The following VAV1 variants were observed in gnomAD, a reference collection of about 807,000 sequenced individuals.
The protein encoded by VAV1 is proto-oncogene vav.
Under a neutral mutation model 128.1 loss-of-function variants are expected in VAV1, and 33 were observed. That is an observed-to-expected ratio of 0.26 (90% CI 0.20 to 0.34). The LOEUF is 0.34. Among genes scored for constraint, VAV1 ranks in the 10% least tolerant of loss-of-function variants. The probability of loss-of-function intolerance (pLI) is 1.00; values close to 1 mark genes in which losing one functional copy is unlikely to be tolerated. For missense variants in VAV1, 715 were observed against 1,093.7 expected (o/e 0.65, Z 4.88); for synonymous variants, 394 against 409.8 (o/e 0.96, Z 0.47).
intron 1 of VAV1, among the ~76,000 whole-genome samples, chr19:6,773,584 C>T (rs1970550701): frequency 6.6e-6 from 1 of 152,174 alleles, no homozygotes; most frequent in Non-Finnish European, 1.5e-5. Flanking sequence ...AGCTTCCTCC[C>T]TGCATCCATC....
At chr19:6,836,048 A>G in intron 19 of VAV1, 1 of 163,598 alleles carries the variant, frequency 6.1e-6, no homozygotes, top group Non-Finnish European at 1.3e-5. Context: ...TAATTTCTGT[A>G]GTTTTAGTAG....
chr19:6,797,473 C>T (rs983335406), intron 1 of VAV1, among the ~76,000 whole-genome samples: 8 of 152,064 alleles, frequency 5.3e-5, no homozygotes, highest in Admixed American at 1.3e-4. Flanking sequence ...GAGGCCAAGG[C>T]GGGCGGATCA....
Position 6,826,478 on chromosome 19 carries a change from C to A in VAV1, c.828-134C>A. 1 of 657,314 alleles carries A rather than the reference C, an allele frequency of 1.5e-6. No individual in the cohort carries two copies. The highest frequency in any genetic ancestry group is 2.7e-6 in the Non-Finnish European group (1 of 363,874). The allele number at this position is 657,314 out of a possible 1,614,324, so 40.7% of individuals were successfully genotyped here. On this transcript the variant is annotated intron_variant, in intron 8 of 26. Transcript: ENST00000602142. The surrounding 1 kb of genome is among the most constrained non-coding windows in gnomAD (Gnocchi z 4.1). The stretch of plus-strand genomic sequence containing the variant: ...TCACATGGGAGATGCTATTGTTATG[C>A]CCATTTCACAGATGGAGAAACTGGG...
At chr19:6,824,699 T>C (rs1971873427) in intron 6 of VAV1, among the ~76,000 whole-genome samples, 1 of 152,094 alleles carries the variant, frequency 6.6e-6, no homozygotes, top group Non-Finnish European at 1.5e-5. Flanking sequence ...GCCCAGCTTA[T>C]TTTTGTAGTT....
chr19:6,852,496 C>T (rs566525205), intron 24 of VAV1, among the ~76,000 whole-genome samples: 2 of 152,184 alleles, frequency 1.3e-5, no homozygotes, highest in East Asian at 1.9e-4. Context: ...CCGAGGCAGG[C>T]GGATCACGAG....
chr19:6,841,691 G>T (rs1418911774), intron 21 of VAV1, among the ~76,000 whole-genome samples: 1 of 151,186 alleles, frequency 6.6e-6, no homozygotes, highest in Non-Finnish European at 1.5e-5. Flanking sequence ...GGTCAGGCTG[G>T]TCTTGAACTC....
rs1457891924 is a variant in VAV1, at chr19:6,826,549, G to A, written c.828-63G>A. On this transcript the variant is annotated intron_variant, in intron 8 of 26. Coordinates refer to ENST00000602142, the MANE Select transcript of VAV1 (RefSeq NM_005428.4). This position sits in a 1 kb window ranked among gnomAD's most constrained non-coding sequence, Gnocchi z 4.1. Reference sequence around the variant, plus strand: ...GGGGAAGAGCAAGGCCAGGGCTGACGCCAGCCTCTGCCCGACCTTGATGCC... The same window carrying A: ...GGGGAAGAGCAAGGCCAGGGCTGACACCAGCCTCTGCCCGACCTTGATGCC... 9.1e-6 allele frequency: 12 copies of A among 1,322,000 alleles called. No homozygotes were observed. Among genetic ancestry groups the A allele is most frequent in the African/African-American group, 2.9e-5 (2 of 68,646 alleles). The allele number at this position is 1,322,000 out of a possible 1,614,324, so 81.9% of individuals were successfully genotyped here.
intron 1 of VAV1, among the ~76,000 whole-genome samples, chr19:6,782,301 G>A (rs1444332780): frequency 6.6e-6 from 1 of 151,566 alleles, no homozygotes; most frequent in Non-Finnish European, 1.5e-5. Flanking sequence ...CTGCACTCCA[G>A]CCTAGGCAAC....
chr19:6,833,991 A>G (rs1346922347), intron 19 of VAV1, 38 bp downstream of exon 19: 1 of 1,613,510 alleles, frequency 6.2e-7, no homozygotes. Context: ...GGCAGGAGGA[A>G]AATTCATCTC....
At position 6,857,159 on chromosome 19, in the gene VAV1, T is replaced by C; in HGVS notation, c.*52T>C. On this transcript the variant is annotated 3_prime_UTR_variant, in exon 27 of 27. Transcript: ENST00000602142. ...GAAACTCCAGGCTCTGAGCCCGGCG[T>C]GGGCAGGCAGCGGAGCCAGGGGCTG... is the stretch of plus-strand genomic sequence containing the variant. The C allele has an allele frequency of 6.2e-7, 1 of 1,611,856 alleles. No homozygotes were observed. The highest frequency in any genetic ancestry group is 8.5e-7 in the Non-Finnish European group (1 of 1,179,376).
chr19:6,855,859 TCTAC>T (rs1209570776), intron 26 of VAV1, among the ~76,000 whole-genome samples: 2 of 152,114 alleles, frequency 1.3e-5, no homozygotes, highest in Admixed American at 6.6e-5. Flanking sequence ...TCATTATCTA[TCTAC>T]CTATCTATCC....
intron 20 of VAV1, 63 bp from the exon 21 acceptor site, chr19:6,836,922 T>A: frequency 6.5e-7 from 1 of 1,535,262 alleles, no homozygotes; most frequent in South Asian, 1.1e-5. Context: ...TGGGTTTAGA[T>A]GGCAGGTGGG....
Position 6,828,247 on chromosome 19 carries a change from T to A in VAV1, c.1023+76T>A. 6.4e-7 allele frequency: 1 copy of A among 1,572,454 alleles called. No homozygotes were observed. The highest frequency in any genetic ancestry group is 1.1e-5 in the South Asian group (1 of 88,806). On this transcript the variant is annotated intron_variant, in intron 10 of 26. Coordinates refer to ENST00000602142, the MANE Select transcript of VAV1 (RefSeq NM_005428.4). This position sits in a 1 kb window ranked among gnomAD's most constrained non-coding sequence, Gnocchi z 4.5. ...CTATAAAAGTGGGGACGGGGCTGGC[T>A]TCTGGGGGTTGGGTCTCTAGGACGC...
In VAV1 at chr19:6,805,563, G is replaced by A. The variant is rs564284733; in HGVS notation, c.205-15139G>A. 4.7e-5 allele frequency among the ~76,000 whole-genome samples: 6 copies of A among 126,618 alleles called. No homozygotes were observed. In the East Asian group the frequency reaches 1.4e-3, roughly 30 times the overall value. 83.1% of individuals were successfully genotyped at this position (126,618 alleles called of 152,430 possible). On this transcript the variant is annotated intron_variant, in intron 1 of 26. Coordinates refer to ENST00000602142, the MANE Select transcript of VAV1 (RefSeq NM_005428.4). The stretch of plus-strand genomic sequence containing the variant: ...TCGAGACCAGCCTGGGCAACATAGT[G>A]AGACCCTCATTTCTACAGATACACA...
At chr19:6,851,239 A>G (rs1020668496) in intron 24 of VAV1, among the ~76,000 whole-genome samples, 1 of 152,056 alleles carries the variant, frequency 6.6e-6, no homozygotes, top group African/African-American at 2.4e-5. Context: ...CAGTGGTGCA[A>G]TCATAGTACA....
At chr19:6,790,146 C>G (rs892145538) in intron 1 of VAV1, among the ~76,000 whole-genome samples, 24 of 152,022 alleles carry the variant, frequency 1.6e-4, no homozygotes, top group Admixed American at 5.2e-4. Flanking sequence ...CAAGTGCACT[C>G]CAGCCTGGGT....
At chr19:6,844,321 C>T (rs1353179079) in intron 22 of VAV1, among the ~76,000 whole-genome samples, 6 of 151,812 alleles carry the variant, frequency 4.0e-5, no homozygotes, top group South Asian at 4.1e-4. Context: ...CAGGTTCAAG[C>T]GATTCTCCTG....
At chr19:6,791,543 C>A (rs1483091014) in intron 1 of VAV1, among the ~76,000 whole-genome samples, 1 of 152,184 alleles carries the variant, frequency 6.6e-6, no homozygotes, top group Non-Finnish European at 1.5e-5. Context: ...GTCCTCATCT[C>A]AAGGTCCCTG....
At chr19:6,838,322 TC>T (rs1972278455) in intron 21 of VAV1, among the ~76,000 whole-genome samples, 1 of 151,672 alleles carries the variant, frequency 6.6e-6, no homozygotes, top group South Asian at 2.1e-4. Flanking sequence ...TATCTATCTA[TC>T]TATCTATCTA....
Sources: gnomAD v4.1 joint callset for allele counts (sites outside exome capture counted in the v4.1 genomes callset) on GRCh38, gnomAD v4.1.1 for gene constraint, Gnocchi (gnomAD v3.1) non-coding constraint, MANE v1.5 for transcripts, NCBI Gene and HGNC (gene_info 2026-07-23, HGNC 2026-07-21) for gene names.